The following KREMEN1 variants were observed in gnomAD, a reference collection of about 807,000 sequenced individuals.
KREMEN1 encodes kringle containing transmembrane protein 1, also known as kremen protein 1.
In KREMEN1, 30 loss-of-function variants were observed where a neutral mutation model predicts 46.5. That is an observed-to-expected ratio of 0.65 (90% CI 0.48 to 0.88). KREMEN1 has a LOEUF of 0.88. Among genes scored for constraint, KREMEN1 ranks in the 40% least tolerant of loss-of-function variants. The pLI is 0.00. For missense variants in KREMEN1, 533 were observed against 596.9 expected (o/e 0.89, Z 1.11); for synonymous variants, 214 against 230.6 (o/e 0.93, Z 0.65).
Position 29,082,318 on chromosome 22 carries a change from A to G in KREMEN1, c.97+9091A>G, listed in dbSNP as rs1044479213. The stretch of plus-strand genomic sequence containing the variant: ...GTAATCCTCCCACCTTGGCCTCCCA[A>G]AGTACTGGGATTACAAGGGTGAGCC... On this transcript the variant is annotated intron_variant, in intron 1 of 8. Coordinates refer to ENST00000400335, the MANE Select transcript of KREMEN1 (RefSeq NM_001039570.3). Among the ~76,000 whole-genome samples the G allele has an allele frequency of 9.2e-5, 14 of 152,234 alleles. 1 individual carries two copies. The highest frequency in any genetic ancestry group is 2.6e-4 in the Admixed American group (4 of 15,276).
At chr22:29,161,317 C>G (rs574423272) in intron 9 of KREMEN1, among the ~76,000 whole-genome samples, 1 of 151,486 alleles carries the variant, frequency 6.6e-6, no homozygotes, top group Non-Finnish European at 1.5e-5. Context: ...ACCATCCTGG[C>G]TAACATGATG....
chr22:29,075,054 A>G (rs2037545238), intron 1 of KREMEN1, among the ~76,000 whole-genome samples: 1 of 152,140 alleles, frequency 6.6e-6, no homozygotes, highest in African/African-American at 2.4e-5. Context: ...AATTAGTAGA[A>G]CTGGGGTCTC....
chr22:29,137,223 T>C, intron 5 of KREMEN1, 119 bp from the exon 6 acceptor site: 2 of 649,062 alleles, frequency 3.1e-6, no homozygotes, highest in South Asian at 8.6e-5. Flanking sequence ...GTTTTACAGA[T>C]AGAAACAATG....
intron 3 of KREMEN1, among the ~76,000 whole-genome samples, chr22:29,102,029 C>T (rs2037985098): frequency 6.6e-6 from 1 of 152,138 alleles, no homozygotes; most frequent in Non-Finnish European, 1.5e-5. Context: ...TTAAAATATG[C>T]CAGAAGAGCT....
intron 1 of KREMEN1, among the ~76,000 whole-genome samples, chr22:29,091,192 C>T (rs1321615857): frequency 1.3e-5 from 2 of 152,166 alleles, no homozygotes; most frequent in Non-Finnish European, 2.9e-5. Flanking sequence ...AGGCTGGTCT[C>T]GAACTCCTGA....
intron 1 of KREMEN1, among the ~76,000 whole-genome samples, chr22:29,083,024 C>T (rs1245282158): frequency 6.6e-6 from 1 of 152,160 alleles, no homozygotes. Context: ...AGACCCTTGC[C>T]CCAGCCTCCC....
chr22:29,094,084 T>TGTTA (rs2037841146), intron 1 of KREMEN1, among the ~76,000 whole-genome samples, 174 bp from the exon 2 acceptor site: 1 of 152,200 alleles, frequency 6.6e-6, no homozygotes, highest in Non-Finnish European at 1.5e-5. Context: ...TTTTTGAGGG[T>TGTTA]ACCTTGTTTC....
At chr22:29,149,422 A>G (rs1370421663), downstream of KREMEN1, among the ~76,000 whole-genome samples, 2 of 152,014 alleles carry the variant, frequency 1.3e-5, no homozygotes, top group Non-Finnish European at 2.9e-5. Flanking sequence ...TGCCCTCCCA[A>G]AGTGCTGGTA....
rs1201928403 is a variant in KREMEN1 at position 29,142,181 on chromosome 22, T to C, written c.*69T>C. ...AGGCTGCCGTGGTCAACCTCTCCTG[T>C]GGTTCTTCTCTGACAGACTCTTCCC... On this transcript the variant is annotated 3_prime_UTR_variant, in exon 9 of 9. Transcript: ENST00000400335. The C allele has an allele frequency of 6.8e-7, 1 of 1,472,094 alleles. No homozygotes were observed. The allele number at this position is 1,472,094 out of a possible 1,614,324, so 91.2% of individuals were successfully genotyped here. A position where few individuals can be genotyped will look rare whatever the true frequency, so the allele number is the denominator to read the frequency against.
intron 9 of KREMEN1, among the ~76,000 whole-genome samples, chr22:29,162,716 A>G (rs1002930963): frequency 3.3e-5 from 5 of 151,972 alleles, no homozygotes; most frequent in Non-Finnish European, 5.9e-5. Flanking sequence ...CCGTCACACA[A>G]AAAAAAAGAA....
chr22:29,089,335 C>G (rs371289014), intron 1 of KREMEN1, among the ~76,000 whole-genome samples: 28 of 152,306 alleles, frequency 1.8e-4, no homozygotes, highest in African/African-American at 6.7e-4. Context: ...TGCTCAGGCC[C>G]CTTTGGTGTG....
intron 4 of KREMEN1, among the ~76,000 whole-genome samples, chr22:29,124,952 A>G (rs1025249825): frequency 6.6e-6 from 1 of 152,260 alleles, no homozygotes; most frequent in African/African-American, 2.4e-5. Flanking sequence ...TAAACAGTCA[A>G]TAAAATGTTT....
chr22:29,098,899 G>T lies in KREMEN1; in HGVS notation c.298G>T (p.Ala100Ser). Reference sequence around the variant, plus strand: ...AGACGTGAGCCCCTGGTGCTATGTGGCAGAGCACGAGGATGGTGTCTACTG... The same window carrying T: ...AGACGTGAGCCCCTGGTGCTATGTGTCAGAGCACGAGGATGGTGTCTACTG... ...DGDVSPWCYV[A>S]EHEDGVYWKY... The change falls in exon 3 of 9, where the codon GCA becomes TCA. Residue 100 changes from alanine (A) to serine (S), a missense_variant. Ala to Ser is a moderately conservative substitution (Grantham distance 99). Coordinates refer to ENST00000400335, the MANE Select transcript of KREMEN1 (RefSeq NM_001039570.3). The T allele has an allele frequency of 1.2e-6, 2 of 1,614,134 alleles. No individual in the cohort carries two copies. Among genetic ancestry groups the T allele is most frequent in the Non-Finnish European group, 1.7e-6 (2 of 1,179,976 alleles).
chr22:29,165,980 G>A (rs902177516), intron 9 of KREMEN1, among the ~76,000 whole-genome samples: 1 of 152,144 alleles, frequency 6.6e-6, no homozygotes, highest in African/African-American at 2.4e-5. Context: ...ATTCAGAATG[G>A]GTCAGGTTCC....
At chr22:29,134,763 C>T (rs995726070) in intron 5 of KREMEN1, among the ~76,000 whole-genome samples, 7 of 152,282 alleles carry the variant, frequency 4.6e-5, no homozygotes, top group Non-Finnish European at 7.4e-5. Flanking sequence ...TTAAATTCCT[C>T]CAGTGACGGG....
rs1256050909 is a variant in KREMEN1 at position 29,137,470 on chromosome 22, A to G, written c.760A>G (p.Ile254Val). ...WTIRVPGASH[I>V]HFSFPLFDIR... ...CATCCGGGTTCCGGGGGCCTCCCACATCCACTTCAGCTTCCCCCTATTTGA... is the reference window on the plus strand; with the variant it reads ...CATCCGGGTTCCGGGGGCCTCCCACGTCCACTTCAGCTTCCCCCTATTTGA... Residue 254 changes from isoleucine to valine, a missense_variant, in exon 6 of 9, where the codon ATC (isoleucine) becomes GTC (valine). By Grantham distance (29) the Ile-to-Val change is conservative (BLOSUM62 3). Transcript: ENST00000400335. The G allele has an allele frequency of 1.2e-6, 2 of 1,607,126 alleles. No homozygotes were observed. Among genetic ancestry groups the G allele is most frequent in the East Asian group, 2.2e-5 (1 of 44,606 alleles).
rs1001727561 is a variant in KREMEN1, at chr22:29,142,267, C to T, written c.*155C>T. ...CCTCCTCCTACAGACTAGGAAGAGG[C>T]ACCCTGCTGCCAGGGCAGGCAGAGC... On this transcript the variant is annotated 3_prime_UTR_variant, in exon 9 of 9. Coordinates refer to ENST00000400335, the MANE Select transcript of KREMEN1 (RefSeq NM_001039570.3). 3 of 1,336,996 alleles carry T rather than the reference C, an allele frequency of 2.2e-6. No individual in the cohort carries two copies. The highest frequency in any genetic ancestry group is 7.3e-5 in the Admixed American group (2 of 27,264). The allele number at this position is 1,336,996 out of a possible 1,614,324, so 82.8% of individuals were successfully genotyped here. A position where few individuals can be genotyped will look rare whatever the true frequency, so the allele number is the denominator to read the frequency against.
At position 29,137,715 on chromosome 22, in the gene KREMEN1, C is replaced by A. The variant is rs114157586; in HGVS notation, c.964+41C>A. ...CTCCTTGGGGGTTCTTCAGGGCCCA[C>A]GTGCCTTGGGCTTCTCTTCTTCACC... On this transcript the variant is annotated intron_variant, in intron 6 of 8. Coordinates refer to ENST00000400335, the MANE Select transcript of KREMEN1 (RefSeq NM_001039570.3). The A allele has an allele frequency of 1.9e-3, 2,770 of 1,483,282 alleles. 48 individuals carry two copies. The African/African-American group carries it at 0.033, about 18-fold the overall frequency. The allele number at this position is 1,483,282 out of a possible 1,614,324, so 91.9% of individuals were successfully genotyped here. A position where few individuals can be genotyped will look rare whatever the true frequency, so the allele number is the denominator to read the frequency against.
chr22:29,129,333 TGA>T (rs1036330063), intron 5 of KREMEN1, among the ~76,000 whole-genome samples: 1 of 149,908 alleles, frequency 6.7e-6, no homozygotes, highest in Non-Finnish European at 1.5e-5. Context: ...GGCGACAGAG[TGA>T]GACTCCATCT....
Sources: gnomAD v4.1 joint callset for allele counts (sites outside exome capture counted in the v4.1 genomes callset) on GRCh38, gnomAD v4.1.1 for gene constraint, MANE v1.5 for transcripts, NCBI Gene and HGNC (gene_info 2026-07-23, HGNC 2026-07-21) for gene names.